The following KCNIP4 variants were observed in gnomAD, a reference collection of about 807,000 sequenced individuals.
KCNIP4 encodes potassium voltage-gated channel interacting protein 4, also known as Kv channel-interacting protein 4.
Under a neutral mutation model 34.0 loss-of-function variants are expected in KCNIP4, and 12 were observed. The observed-to-expected ratio is 0.35, with a 90% confidence interval of 0.23 to 0.57. The LOEUF is 0.57. Ranked by LOEUF, KCNIP4 falls within the 20% of genes least tolerant of loss-of-function variation. KCNIP4 has a pLI of 0.83. For synonymous variants in KCNIP4, 124 were observed against 102.2 expected (o/e 1.21, Z -1.29); for missense variants, 238 against 311.7 (o/e 0.76, Z 1.78).
intron 1 of KCNIP4, among the ~76,000 whole-genome samples, chr4:21,060,884 A>G (rs921972541): frequency 5.9e-5 from 9 of 152,204 alleles, no homozygotes; most frequent in African/African-American, 1.9e-4. Context: ...TACAGCAGCA[A>G]GCATTACCTT....
chr4:21,362,441 A>G (rs1426045995), intron 1 of KCNIP4, among the ~76,000 whole-genome samples: 1 of 152,196 alleles, frequency 6.6e-6, no homozygotes, highest in East Asian at 1.9e-4. Flanking sequence ...AACTAGTGGT[A>G]TTAGAAAAGG....
At chr4:21,906,934 T>G (rs1175574002) in intron 1 of KCNIP4, among the ~76,000 whole-genome samples, 1 of 152,214 alleles carries the variant, frequency 6.6e-6, no homozygotes, top group Non-Finnish European at 1.5e-5. Flanking sequence ...TAGCTCACTA[T>G]AATATTTTTA....
At chr4:21,128,544 A>C (rs1750804270) in intron 1 of KCNIP4, among the ~76,000 whole-genome samples, 1 of 152,194 alleles carries the variant, frequency 6.6e-6, no homozygotes, top group African/African-American at 2.4e-5. Context: ...ATAAGGCACC[A>C]AAAGTGCAGA....
intron 1 of KCNIP4, among the ~76,000 whole-genome samples, chr4:21,462,765 TTGTGTG>T (rs57124779): frequency 0.057 from 8,376 of 145,684 alleles, 716 homozygotes; most frequent in African/African-American, 0.19. Flanking sequence ...TAGTATTCCA[TTGTGTG>T]TGTGTGTGTG....
chr4:21,261,467 A>G (rs74446855), intron 1 of KCNIP4, among the ~76,000 whole-genome samples: 3,301 of 152,250 alleles, frequency 0.022, 88 homozygotes, highest in East Asian at 0.16. Context: ...ACCACCTTCC[A>G]CTGAATCAAT....
At chr4:21,501,565 A>C (rs1733341395) in intron 1 of KCNIP4, among the ~76,000 whole-genome samples, 1 of 152,116 alleles carries the variant, frequency 6.6e-6, no homozygotes, top group Non-Finnish European at 1.5e-5. Context: ...CGAGATGAAC[A>C]AAAAGGTTTT....
chr4:21,442,765 T>C (rs942926925), intron 1 of KCNIP4, among the ~76,000 whole-genome samples: 1 of 152,208 alleles, frequency 6.6e-6, no homozygotes, highest in African/African-American at 2.4e-5. Flanking sequence ...CTTATTATCT[T>C]GATGACCTTA....
Position 21,764,390 on chromosome 4 carries a change from C to T in KCNIP4, c.61+184181G>A, listed in dbSNP as rs146222959. Among the ~76,000 whole-genome samples the T allele has an allele frequency of 3.2e-4, 49 of 152,204 alleles. No individual in the cohort carries two copies. The East Asian group carries it at 8.7e-3, about 27-fold the overall frequency. On this transcript the variant is annotated intron_variant, in intron 1 of 8. Coordinates refer to ENST00000382152, the MANE Select transcript of KCNIP4 (RefSeq NM_025221.6). ...ATAAGAAAAGTCCAACCAGAAAGTT[C>T]ATAAATGAGCTAGTTCAACTTGGAG...
chr4:20,891,561 C>T (rs142976907), intron 1 of KCNIP4, among the ~76,000 whole-genome samples: 4,040 of 152,140 alleles, frequency 0.027, 65 homozygotes, highest in Non-Finnish European at 0.042. Flanking sequence ...GCCAAGATCA[C>T]GCCACGGCAC....
At chr4:21,938,687 TG>T (rs1452925466) in intron 1 of KCNIP4, among the ~76,000 whole-genome samples, 1 of 152,198 alleles carries the variant, frequency 6.6e-6, no homozygotes, top group African/African-American at 2.4e-5. Flanking sequence ...CTGCACCTAC[TG>T]ATATCCTTCA....
At chr4:21,947,008 G>C (rs1277721489) in intron 1 of KCNIP4, among the ~76,000 whole-genome samples, 1 of 152,296 alleles carries the variant, frequency 6.6e-6, no homozygotes, top group South Asian at 2.1e-4. Flanking sequence ...TACAGTCAAA[G>C]AGCTGTGGTC....
intron 5 of KCNIP4, among the ~76,000 whole-genome samples, chr4:20,741,812 T>A (rs1032137934): frequency 9.2e-5 from 14 of 152,106 alleles, no homozygotes; most frequent in African/African-American, 1.4e-4. Flanking sequence ...ACAAAATTGA[T>A]AGACTGCTAG....
intron 1 of KCNIP4, among the ~76,000 whole-genome samples, chr4:21,646,793 T>A (rs1747054118): frequency 6.6e-6 from 1 of 152,202 alleles, no homozygotes; most frequent in Non-Finnish European, 1.5e-5. Flanking sequence ...GGCAAATCAA[T>A]CACATTCTAC....
intron 1 of KCNIP4, among the ~76,000 whole-genome samples, chr4:21,914,812 G>A (rs1728536032): frequency 6.6e-6 from 1 of 152,074 alleles, no homozygotes; most frequent in Non-Finnish European, 1.5e-5. Context: ...TCACCTTCAA[G>A]GTTTACCACT....
At chr4:21,865,241 C>G (rs1476688080) in intron 1 of KCNIP4, among the ~76,000 whole-genome samples, 1 of 150,528 alleles carries the variant, frequency 6.6e-6, no homozygotes, top group Non-Finnish European at 1.5e-5. Flanking sequence ...CCATAGGAAG[C>G]AAAAGATGAT....
chr4:21,287,823 A>G (rs1017680388), intron 1 of KCNIP4, among the ~76,000 whole-genome samples: 1 of 152,128 alleles, frequency 6.6e-6, no homozygotes, highest in African/African-American at 2.4e-5. Context: ...TGCTTTTTGC[A>G]CTTTGGTTAT....
rs532178106 is a variant in KCNIP4 at position 21,901,735 on chromosome 4, A to T, written c.61+46836T>A. ...TACTACGCATTCTTTAATATTGCAA[A>T]CTAGATTCATTACTCCCTCCACAAA... On this transcript the variant is annotated intron_variant, in intron 1 of 8. Coordinates refer to ENST00000382152, the MANE Select transcript of KCNIP4 (RefSeq NM_025221.6). 1.2e-3 allele frequency among the ~76,000 whole-genome samples: 178 copies of T among 152,332 alleles called. 1 individual carries two copies. Among genetic ancestry groups the T allele is most frequent in the African/African-American group, 4.2e-3 (174 of 41,580 alleles).
chr4:21,108,309 T>TA (rs1748782688), intron 1 of KCNIP4, among the ~76,000 whole-genome samples: 1 of 138,654 alleles, frequency 7.2e-6, no homozygotes, highest in African/African-American at 2.9e-5. Flanking sequence ...TCTTTTTATT[T>TA]TTTCTCTAAA....
At chr4:21,669,629 T>C (rs2109005266) in intron 1 of KCNIP4, among the ~76,000 whole-genome samples, 1 of 134,018 alleles carries the variant, frequency 7.5e-6, no homozygotes, top group South Asian at 2.4e-4. Flanking sequence ...AGGAGTCAAC[T>C]GTCTTTTTTA....
Sources: gnomAD v4.1 joint callset for allele counts (sites outside exome capture counted in the v4.1 genomes callset) on GRCh38, gnomAD v4.1.1 for gene constraint, MANE v1.5 for transcripts, NCBI Gene and HGNC (gene_info 2026-07-23, HGNC 2026-07-21) for gene names.